The following CLMP variants were observed in gnomAD, a reference collection of about 807,000 sequenced individuals.
CLMP encodes CXADR like cell adhesion molecule, also known as CXADR-like membrane protein.
In CLMP, 27 loss-of-function variants were observed where a neutral mutation model predicts 45.2. The observed-to-expected ratio is 0.60, with a 90% CI of 0.44 to 0.82. The LOEUF is 0.82. CLMP is among the 40% of genes least tolerant of loss of function. The pLI is 0.00. For synonymous variants in CLMP, 167 were observed against 171.4 expected (o/e 0.97, Z 0.20); for missense variants, 403 against 448.4 (o/e 0.90, Z 0.91).
intron 1 of CLMP, among the ~76,000 whole-genome samples, chr11:123,170,564 G>A (rs189007383): frequency 2.9e-4 from 44 of 151,496 alleles, no homozygotes; most frequent in African/African-American, 3.1e-4. Flanking sequence ...CTCTGCCTCC[G>A]GAGTAGCTGG....
chr11:123,168,959 G>T (rs142891970), intron 1 of CLMP, among the ~76,000 whole-genome samples: 12 of 152,278 alleles, frequency 7.9e-5, no homozygotes, highest in Non-Finnish European at 1.3e-4. Context: ...ATATGAGAGG[G>T]TAGTGGGGAA....
At chr11:123,130,251 C>T (rs1438643591) in intron 1 of CLMP, among the ~76,000 whole-genome samples, 5 of 152,094 alleles carry the variant, frequency 3.3e-5, no homozygotes, top group Admixed American at 2.6e-4. Flanking sequence ...AGGGATGTAA[C>T]TGCCCCGAGA....
intron 1 of CLMP, among the ~76,000 whole-genome samples, chr11:123,099,403 C>G (rs1212414675): frequency 6.6e-6 from 1 of 152,112 alleles, no homozygotes; most frequent in Non-Finnish European, 1.5e-5. Flanking sequence ...GATCAAAGGG[C>G]TATGCAAATT....
At chr11:123,107,326 G>A (rs1180649384) in intron 1 of CLMP, among the ~76,000 whole-genome samples, 3 of 151,860 alleles carry the variant, frequency 2.0e-5, no homozygotes, top group South Asian at 2.1e-4. Flanking sequence ...GGCCTCCTGG[G>A]TTCAAGCGAT....
intron 5 of CLMP, among the ~76,000 whole-genome samples, chr11:123,075,224 G>A (rs566700856): frequency 1.6e-4 from 25 of 152,290 alleles, no homozygotes; most frequent in Non-Finnish European, 2.1e-4. Context: ...AAAGTGCTGG[G>A]ATTACAGGCG....
intron 2 of CLMP, among the ~76,000 whole-genome samples, chr11:123,090,869 C>A (rs1477401274): frequency 6.6e-6 from 1 of 152,130 alleles, no homozygotes; most frequent in Non-Finnish European, 1.5e-5. Flanking sequence ...CAGACCAACT[C>A]AAAAGTGTAC....
rs1032284173 is a variant in CLMP at position 123,070,949 on chromosome 11, G to T, written c.*2525C>A. ...GCATAAACTCCTGGGGACTTTACAAGAATTTTGTTTTTTGCACTATGTGAC... is the reference window on the plus strand; with the variant it reads ...GCATAAACTCCTGGGGACTTTACAATAATTTTGTTTTTTGCACTATGTGAC... On this transcript the variant is annotated 3_prime_UTR_variant, in exon 7 of 7. Coordinates refer to ENST00000448775, the MANE Select transcript of CLMP (RefSeq NM_024769.5). 2 of 152,098 alleles carry T rather than the reference G, an allele frequency of 1.3e-5. No individual in the cohort carries two copies. The highest frequency in any genetic ancestry group is 4.8e-5 in the African/African-American group (2 of 41,432). 9.4% of individuals were successfully genotyped at this position (152,098 alleles called of 1,614,324 possible).
intron 1 of CLMP, among the ~76,000 whole-genome samples, chr11:123,114,368 C>G (rs951524795): frequency 6.6e-6 from 1 of 152,112 alleles, no homozygotes; most frequent in Admixed American, 6.6e-5. Context: ...CATTCACTCT[C>G]CCTAAGGAGG....
chr11:123,080,421 G>T (rs892575823), intron 5 of CLMP, among the ~76,000 whole-genome samples: 3 of 150,254 alleles, frequency 2.0e-5, no homozygotes, highest in Non-Finnish European at 4.4e-5. Flanking sequence ...TCCACCTCCC[G>T]GGTTCAAGTG....
At chr11:123,191,264 G>A (rs1861903605) in intron 1 of CLMP, among the ~76,000 whole-genome samples, 1 of 152,158 alleles carries the variant, frequency 6.6e-6, no homozygotes, top group East Asian at 1.9e-4. Flanking sequence ...TAATACTCAT[G>A]TGTACCCTGC....
At chr11:123,169,411 G>A (rs1010240782) in intron 1 of CLMP, among the ~76,000 whole-genome samples, 5 of 152,104 alleles carry the variant, frequency 3.3e-5, no homozygotes, top group African/African-American at 9.7e-5. Flanking sequence ...CCAGGCCTAC[G>A]GCAGAATCAC....
chr11:123,160,493 T>G (rs1861471581), intron 1 of CLMP, among the ~76,000 whole-genome samples: 1 of 152,088 alleles, frequency 6.6e-6, no homozygotes, highest in South Asian at 2.1e-4. Flanking sequence ...GAAATCAGAG[T>G]GCAGCAGATA....
intron 1 of CLMP, among the ~76,000 whole-genome samples, chr11:123,130,609 G>A (rs1373490675): frequency 3.3e-5 from 5 of 152,104 alleles, no homozygotes; most frequent in Non-Finnish European, 7.3e-5. Context: ...GCACCCACTG[G>A]GAACTGCATT....
chr11:123,151,178 C>A (rs1861333218), intron 1 of CLMP, among the ~76,000 whole-genome samples: 1 of 152,234 alleles, frequency 6.6e-6, no homozygotes, highest in Non-Finnish European at 1.5e-5. Flanking sequence ...ACTACCAGGG[C>A]AGGGCCATGG....
intron 2 of CLMP, among the ~76,000 whole-genome samples, chr11:123,085,778 T>G (rs1009234126): frequency 1.5e-4 from 22 of 147,750 alleles, no homozygotes; most frequent in South Asian, 6.5e-4. Context: ...TGTTTTTTTT[T>G]TTTTGTTTTT....
chr11:123,177,230 TG>T lies in CLMP; in HGVS notation c.28+17682del, dbSNP rs569724840. On this transcript the variant is annotated intron_variant, in intron 1 of 6. Transcript: ENST00000448775. Reference sequence around the variant, plus strand: ...AGAGCCCTTCCCTCAAAATCCTCACTGCTTTGGGGTGTTTTTGCTCCTTTGA... The same window carrying T: ...AGAGCCCTTCCCTCAAAATCCTCACTCTTTGGGGTGTTTTTGCTCCTTTGA... Among the ~76,000 whole-genome samples the T allele has an allele frequency of 1.7e-3, 264 of 152,302 alleles. 11 individuals carry two copies. In the South Asian group the frequency reaches 0.053, roughly 30 times the overall value.
At chr11:123,105,864 TG>T (rs1485628555) in intron 1 of CLMP, among the ~76,000 whole-genome samples, 1 of 151,554 alleles carries the variant, frequency 6.6e-6, no homozygotes, top group African/African-American at 2.4e-5. Context: ...TCACCCAGGC[TG>T]GAGTACAGTA....
chr11:123,129,338 ATATATAAAATATATCATATGATATAT>A lies in CLMP; in HGVS notation c.29-31412_29-31387del, dbSNP rs1339531041. Among the ~76,000 whole-genome samples the A allele has an allele frequency of 1.1e-4, 16 of 145,002 alleles. 1 individual carries two copies. The highest frequency in any genetic ancestry group is 4.3e-4 in the Admixed American group (6 of 13,886). On this transcript the variant is annotated intron_variant, in intron 1 of 6. Transcript: ENST00000448775. Reference sequence around the variant, plus strand: ...AGTGAAACTCTGTCTTAATATACATATATATAAAATATATCATATGATATATTATATAAAATATATATCATATGATA... The same window carrying A: ...AGTGAAACTCTGTCTTAATATACATATATATAAAATATATATCATATGATA...
chr11:123,133,849 C>T (rs911757860), intron 1 of CLMP, among the ~76,000 whole-genome samples: 5 of 152,134 alleles, frequency 3.3e-5, no homozygotes, highest in African/African-American at 1.2e-4. Flanking sequence ...GCTTATTACC[C>T]TTAGATCATA....
Sources: gnomAD v4.1 joint callset for allele counts (sites outside exome capture counted in the v4.1 genomes callset) on GRCh38, gnomAD v4.1.1 for gene constraint, MANE v1.5 for transcripts, NCBI Gene and HGNC (gene_info 2026-07-23, HGNC 2026-07-21) for gene names.